ESD: variants seen among roughly 807,000 people sequenced by gnomAD.
ESD encodes the protein esterase D, also known as S-formylglutathione hydrolase.
Under a neutral mutation model 38.1 loss-of-function variants are expected in ESD, and 34 were observed. The observed-to-expected ratio is 0.89, with a 90% CI of 0.68 to 1.19. The LOEUF (loss-of-function observed/expected upper bound fraction) is 1.19, where lower values mean the gene tolerates loss of function less well. Ranked by LOEUF, ESD falls within the 50% of genes most tolerant of loss-of-function variation. The pLI is 0.00. For synonymous variants in ESD, 97 were observed against 107.0 expected, an observed-to-expected ratio of 0.91 and a Z score of 0.58; for missense variants, 334 against 327.2, an observed-to-expected ratio of 1.02 and a Z score of -0.16.
intron 2 of ESD, among the ~76,000 whole-genome samples, chr13:46,792,129 T>C (rs1389207728): frequency 1.3e-5 from 2 of 152,070 alleles, no homozygotes; most frequent in African/African-American, 4.8e-5. Flanking sequence ...CTTTTAATGA[T>C]AAATACAGGA....
At chr13:46,794,219 G>A (rs1875498804) in intron 1 of ESD, among the ~76,000 whole-genome samples, 1 of 152,032 alleles carries the variant, frequency 6.6e-6, no homozygotes, top group Admixed American at 6.5e-5. Context: ...GTGCCAGTGG[G>A]AGTTACACAA....
At chr13:46,787,381 A>G (rs1875230559) in intron 3 of ESD, among the ~76,000 whole-genome samples, 1 of 152,002 alleles carries the variant, frequency 6.6e-6, no homozygotes, top group Non-Finnish European at 1.5e-5. Context: ...GAAAAAATAA[A>G]TGTAATTCAT....
rs946793179 is a variant in ESD at position 46,771,294 on chromosome 13, G to T, written c.*122C>A. On this transcript the variant is annotated 3_prime_UTR_variant, in exon 10 of 10. Coordinates refer to ENST00000378720, the MANE Select transcript of ESD (RefSeq NM_001984.2). ...TTTATTCAGAGGTGATTCAACTATA[G>T]AATAAAGCCCTTTTAGCACTATAAA... 1.7e-5 allele frequency: 10 copies of T among 603,770 alleles called. No homozygotes were observed. In the African/African-American group the frequency reaches 1.7e-4, roughly 10 times the overall value. 37.4% of individuals were successfully genotyped at this position (603,770 alleles called of 1,614,324 possible). A position where few individuals can be genotyped will look rare whatever the true frequency, so the allele number is the denominator to read the frequency against.
chr13:46,778,846 C>T lies in ESD; in HGVS notation c.600+1089G>A, dbSNP rs571598160. Among the ~76,000 whole-genome samples the T allele has an allele frequency of 6.6e-5, 10 of 151,832 alleles. No individual in the cohort carries two copies. The South Asian group carries it at 1.5e-3, about 22-fold the overall frequency. ...TAATCTAGTTACTAAAGGATGAACC[C>T]TTTAATTAGTTAGAATTTCAGTAAT... On this transcript the variant is annotated intron_variant, in intron 8 of 9. Transcript: ENST00000378720.
intron 3 of ESD, among the ~76,000 whole-genome samples, chr13:46,790,029 A>G (rs998681806): frequency 6.8e-6 from 1 of 147,906 alleles, no homozygotes; most frequent in African/African-American, 2.5e-5. Flanking sequence ...TTCAGTAGAG[A>G]CAGGGTTTCA....
intron 3 of ESD, among the ~76,000 whole-genome samples, chr13:46,790,896 A>G (rs2138303646): frequency 6.6e-6 from 1 of 152,180 alleles, no homozygotes; most frequent in African/African-American, 2.4e-5. Flanking sequence ...CTGCTTCTTT[A>G]TGCCTTTATA....
intron 8 of ESD, among the ~76,000 whole-genome samples, chr13:46,777,910 A>G (rs550310251): frequency 4.0e-5 from 6 of 151,796 alleles, no homozygotes; most frequent in Non-Finnish European, 8.9e-5. Flanking sequence ...TTCCTTCTAA[A>G]CCTTTAATAT....
chr13:46,772,624 G>A (rs966026276), intron 9 of ESD, among the ~76,000 whole-genome samples: 7 of 151,924 alleles, frequency 4.6e-5, no homozygotes, highest in Non-Finnish European at 1.0e-4. Flanking sequence ...AGTGTGGGTT[G>A]TTCCCCTCCA....
chr13:46,777,688 G>A (rs1874855055), intron 8 of ESD, 65 bp from the exon 9 acceptor site: 2 of 1,219,468 alleles, frequency 1.6e-6, no homozygotes, highest in Non-Finnish European at 2.2e-6. Context: ...TACTATACTA[G>A]TACCAAACAG....
chr13:46,777,532 TC>T lies in ESD; in HGVS notation c.691del (p.Asp231MetfsTer10). 6.2e-7 allele frequency: 1 copy of T among 1,611,642 alleles called. No individual in the cohort carries two copies. Among genetic ancestry groups the T allele is most frequent in the Non-Finnish European group, 8.5e-7 (1 of 1,178,324 alleles). On this transcript the variant is annotated frameshift_variant, in exon 9 of 10. Coordinates refer to ENST00000378720, the MANE Select transcript of ESD (RefSeq NM_001984.2). LOFTEE classifies it high-confidence loss of function. ...GAAGTTATCAGGGAGTAACTGTCCATCTAAAAGAAACTGGTCATCTTTCCCT... is the reference window on the plus strand; with the variant it reads ...GAAGTTATCAGGGAGTAACTGTCCATTAAAAGAAACTGGTCATCTTTCCCT... ...DQGKDDQFLL[D>X]GQLLPDNFIA...
intron 3 of ESD, among the ~76,000 whole-genome samples, chr13:46,790,011 T>A (rs904637185): frequency 1.3e-4 from 19 of 149,022 alleles, no homozygotes; most frequent in Non-Finnish European, 1.8e-4. Flanking sequence ...TATATATATT[T>A]TTTTTTTTTC....
intron 9 of ESD, among the ~76,000 whole-genome samples, chr13:46,774,494 T>G (rs1274089187): frequency 6.6e-6 from 1 of 152,200 alleles, no homozygotes; most frequent in East Asian, 1.9e-4. Flanking sequence ...TTAAGCAGCT[T>G]GTGCAAATGC....
At chr13:46,793,590 A>G (rs1226304451) in intron 1 of ESD, 146 bp from the exon 2 acceptor site, 1 of 152,284 alleles carries the variant, frequency 6.6e-6, no homozygotes, top group Non-Finnish European at 1.5e-5. Flanking sequence ...ATACCACATC[A>G]CCACTTAATT....
chr13:46,773,766 A>G (rs562926834), intron 9 of ESD, among the ~76,000 whole-genome samples: 5 of 152,340 alleles, frequency 3.3e-5, no homozygotes, highest in Non-Finnish European at 7.4e-5. Flanking sequence ...AATGTTGTCA[A>G]GATTAAAGCT....
chr13:46,786,595 A>AAAAT (rs1294058116), intron 4 of ESD, among the ~76,000 whole-genome samples: 6 of 151,978 alleles, frequency 3.9e-5, no homozygotes, highest in Admixed American at 3.3e-4. Flanking sequence ...GAGTCCAGTT[A>AAAAT]AAATATTTTA....
chr13:46,777,241 AT>A (rs1468678048), intron 9 of ESD: 1 of 347,782 alleles, frequency 2.9e-6, no homozygotes, highest in East Asian at 4.4e-5. Context: ...GGAAAACAAT[AT>A]TTTTCACTGC....
intron 9 of ESD, chr13:46,775,543 G>A (rs1874765126): frequency 6.9e-6 from 3 of 433,082 alleles, no homozygotes; most frequent in Admixed American, 5.6e-5. Flanking sequence ...GCAGACCCAG[G>A]GTAATCTTGG....
Position 46,789,991 on chromosome 13 carries a change from C to CATAT in ESD, c.68+1351_68+1354dup, listed in dbSNP as rs1163985354. On this transcript the variant is annotated intron_variant, in intron 3 of 9. Coordinates refer to ENST00000378720, the MANE Select transcript of ESD (RefSeq NM_001984.2). ...TAACCATGCCTGGCTAATTTTTGTA[C>CATAT]ATATATATATATATATATTTTTTTT... is the stretch of plus-strand genomic sequence containing the variant. Among the ~76,000 whole-genome samples, 138 of 140,302 alleles carry CATAT rather than the reference C, an allele frequency of 9.8e-4. 1 individual carries two copies. The highest frequency in any genetic ancestry group is 3.5e-3 in the African/African-American group (127 of 36,448). 92.0% of individuals were successfully genotyped at this position (140,302 alleles called of 152,430 possible).
Position 46,771,410 on chromosome 13 carries a change from GT to G in ESD, c.*5del. 2 of 1,577,858 alleles carry G rather than the reference GT, an allele frequency of 1.3e-6. No homozygotes were observed. The highest frequency in any genetic ancestry group is 2.3e-5 in the South Asian group (2 of 88,718). On this transcript the variant is annotated 3_prime_UTR_variant, in exon 10 of 10. Coordinates refer to ENST00000378720, the MANE Select transcript of ESD (RefSeq NM_001984.2). The stretch of plus-strand genomic sequence containing the variant: ...TCCTGAAGAGATTCTCTTATTTGGA[GT>G]TTTTTCATGCATTCAGGTATTTAGC...
Sources: allele counts gnomAD v4.1 joint callset (sites outside exome capture counted in the v4.1 genomes callset), GRCh38; gene constraint gnomAD v4.1.1; transcripts MANE v1.5; gene names NCBI Gene and HGNC (gene_info 2026-07-23, HGNC 2026-07-21).